Variants in ANO3 observed in about 807,000 individuals in gnomAD.
ANO3 encodes the protein anoctamin 3.
Under a neutral mutation model 144.8 loss-of-function variants are expected in ANO3, and 99 were observed. The observed-to-expected ratio is 0.68, with a 90% confidence interval of 0.58 to 0.81. The LOEUF (loss-of-function observed/expected upper bound fraction) is 0.81, where lower values mean the gene tolerates loss of function less well. Ranked by LOEUF, ANO3 falls within the 30% of genes least tolerant of loss-of-function variation. ANO3 has a pLI of 0.00. For missense variants in ANO3, 905 were observed against 1,202.2 expected (o/e 0.75, Z 3.66); for synonymous variants, 414 against 392.6 (o/e 1.05, Z -0.64).
chr11:26,305,370 C>G (rs535130470), upstream of ANO3, among the ~76,000 whole-genome samples: 323 of 152,082 alleles, frequency 2.1e-3, no homozygotes, highest in Middle Eastern at 0.01. Context: ...CTTCCCAAAA[C>G]TCATTCAAGA....
chr11:26,194,913 A>G (rs778411870), intron 1 of ANO3, among the ~76,000 whole-genome samples: 3 of 152,186 alleles, frequency 2.0e-5, no homozygotes, highest in Non-Finnish European at 4.4e-5. Context: ...ATACAGGCAT[A>G]CAATGCATAA....
chr11:26,406,718 TG>T (rs1565006571), intron 1 of ANO3, among the ~76,000 whole-genome samples: 5 of 141,674 alleles, frequency 3.5e-5, no homozygotes, highest in Non-Finnish European at 6.1e-5. Context: ...TGTGTGTGTG[TG>T]TGTGTGGATT....
chr11:26,484,850 C>T (rs957247004), intron 4 of ANO3, among the ~76,000 whole-genome samples: 1 of 152,138 alleles, frequency 6.6e-6, no homozygotes, highest in Non-Finnish European at 1.5e-5. Flanking sequence ...ATCAGTGTGG[C>T]CAAGATGTGA....
intron 12 of ANO3, among the ~76,000 whole-genome samples, chr11:26,552,193 T>C (rs1023500178): frequency 1.3e-5 from 2 of 151,974 alleles, no homozygotes; most frequent in Non-Finnish European, 2.9e-5. Context: ...CATAAAATCA[T>C]CTTTGCCCGC....
chr11:26,518,560 C>T (rs1012144885), intron 6 of ANO3, among the ~76,000 whole-genome samples: 1 of 151,486 alleles, frequency 6.6e-6, no homozygotes, highest in Non-Finnish European at 1.5e-5. Flanking sequence ...ACTTTTCAGA[C>T]TCCACTTTCT....
intron 1 of ANO3, among the ~76,000 whole-genome samples, chr11:26,232,945 C>T (rs1852433139): frequency 6.6e-6 from 1 of 152,144 alleles, no homozygotes; most frequent in African/African-American, 2.4e-5. Flanking sequence ...AGGCCGGGCA[C>T]AGTGGCTCAA....
chr11:26,379,761 C>T (rs563571557), intron 1 of ANO3, among the ~76,000 whole-genome samples: 4 of 152,184 alleles, frequency 2.6e-5, no homozygotes, highest in African/African-American at 9.6e-5. Flanking sequence ...CCACTGCACT[C>T]CAGCCTGTGT....
At chr11:26,512,040 T>C (rs1042183035) in intron 5 of ANO3, among the ~76,000 whole-genome samples, 1 of 152,216 alleles carries the variant, frequency 6.6e-6, no homozygotes, top group Non-Finnish European at 1.5e-5. Flanking sequence ...AGTATCATGA[T>C]CACATTCGTT....
intron 4 of ANO3, among the ~76,000 whole-genome samples, chr11:26,474,358 G>A (rs1590392883): frequency 6.6e-6 from 1 of 151,580 alleles, no homozygotes; most frequent in East Asian, 1.9e-4. Context: ...CACCTCTGAA[G>A]TTTTGTCTTT....
chr11:26,659,328 T>C (rs1217600753), intron 26 of ANO3, among the ~76,000 whole-genome samples: 1 of 151,948 alleles, frequency 6.6e-6, no homozygotes, highest in East Asian at 1.9e-4. Context: ...GTATACTTCC[T>C]ACCACAGACA....
chr11:26,491,709 C>T (rs139004695), intron 4 of ANO3, among the ~76,000 whole-genome samples: 19 of 152,212 alleles, frequency 1.2e-4, no homozygotes, highest in African/African-American at 3.9e-4. Context: ...ACAGTTTGTC[C>T]GCAACCTTCC....
chr11:26,205,703 A>G (rs529784474), intron 1 of ANO3, among the ~76,000 whole-genome samples: 2 of 152,256 alleles, frequency 1.3e-5, no homozygotes, highest in Non-Finnish European at 2.9e-5. Context: ...ATAAGACCCA[A>G]TCATCCTCAT....
intron 1 of ANO3, among the ~76,000 whole-genome samples, chr11:26,440,213 G>A (rs1276585588): frequency 5.3e-5 from 8 of 152,086 alleles, no homozygotes; most frequent in Admixed American, 5.2e-4. Context: ...TTTACCATAT[G>A]TATTCGTCTG....
intron 1 of ANO3, among the ~76,000 whole-genome samples, chr11:26,363,323 AAAT>A (rs1855977066): frequency 1.3e-5 from 2 of 152,194 alleles, no homozygotes; most frequent in South Asian, 4.1e-4. Flanking sequence ...TGCCATAACA[AAAT>A]ACTAAATACT....
chr11:26,408,065 C>A (rs1259785278), intron 1 of ANO3, among the ~76,000 whole-genome samples: 1 of 152,116 alleles, frequency 6.6e-6, no homozygotes, highest in Non-Finnish European at 1.5e-5. Context: ...TAGACATGGG[C>A]AAGGACTTCA....
intron 1 of ANO3, among the ~76,000 whole-genome samples, chr11:26,212,792 C>T (rs577486405): frequency 4.6e-5 from 7 of 152,036 alleles, no homozygotes; most frequent in Non-Finnish European, 8.8e-5. Context: ...AGGCCAGCAT[C>T]ATCCTAATGC....
intron 1 of ANO3, among the ~76,000 whole-genome samples, chr11:26,215,511 G>C (rs12801763): frequency 0.3 from 45,344 of 151,534 alleles, 7,601 homozygotes; most frequent in Non-Finnish European, 0.37. Context: ...AATATTGGAG[G>C]CTCAACTTGT....
At chr11:26,342,227 T>A (rs1461389) in intron 1 of ANO3, among the ~76,000 whole-genome samples, 4 of 152,136 alleles carry the variant, frequency 2.6e-5, no homozygotes, top group African/African-American at 9.7e-5. Context: ...GAATATTACC[T>A]CCTATAGGGA....
chr11:26,531,780 T>TA (rs1478073774), intron 8 of ANO3, among the ~76,000 whole-genome samples: 1 of 152,222 alleles, frequency 6.6e-6, no homozygotes. Context: ...CTTATTAAAC[T>TA]AAAATGAATG....
Sources: allele counts gnomAD v4.1 joint callset (sites outside exome capture counted in the v4.1 genomes callset), GRCh38; gene constraint gnomAD v4.1.1; transcripts MANE v1.5; gene names NCBI Gene and HGNC (gene_info 2026-07-23, HGNC 2026-07-21).